Variants in FOXP4 observed in about 807,000 individuals in gnomAD.
FOXP4 encodes forkhead box protein P4.
In FOXP4, 25 loss-of-function variants were observed where a neutral mutation model predicts 82.6. The ratio of observed to expected loss-of-function variants is 0.30; its 90% CI spans 0.22 to 0.42. FOXP4 has a LOEUF of 0.42. Among genes scored for constraint, FOXP4 ranks in the 10% least tolerant of loss-of-function variants. The pLI is 1.00. For synonymous variants in FOXP4, 415 were observed against 388.2 expected, an observed-to-expected ratio of 1.07 and a Z score of -0.81; for missense variants, 785 against 900.9, an observed-to-expected ratio of 0.87 and a Z score of 1.65.
intron 1 of FOXP4, among the ~76,000 whole-genome samples, chr6:41,559,303 C>T (rs542152576): frequency 6.6e-6 from 1 of 152,200 alleles, no homozygotes; most frequent in South Asian, 2.1e-4. Flanking sequence ...AAGCCTGTGT[C>T]CTGCTCTGCT....
chr6:41,584,863 A>G lies in FOXP4; in HGVS notation c.395A>G (p.Gln132Arg). 1 of 1,611,304 alleles carries G rather than the reference A, an allele frequency of 6.2e-7. No individual in the cohort carries two copies. Among genetic ancestry groups the G allele is most frequent in the Non-Finnish European group, 8.5e-7 (1 of 1,179,066 alleles). Residue 132 changes from glutamine to arginine, a missense_variant, in exon 4 of 17, where the codon CAG becomes CGG. Physicochemically the swap from Gln to Arg is conservative, Grantham distance 43. Coordinates refer to ENST00000307972, the MANE Select transcript of FOXP4 (RefSeq NM_001012426.2). ...CCCCCGCAGCTGCAGGCCTTGCTCCAGCAGCAGCAAGCCCTCATGCTCCAG... is the reference window on the plus strand; with the variant it reads ...CCCCCGCAGCTGCAGGCCTTGCTCCGGCAGCAGCAAGCCCTCATGCTCCAG... ...LSPPQLQALL[Q>R]QQQALMLQQL...
chr6:41,589,788 G>GC lies in FOXP4; in HGVS notation c.1084dup (p.Arg362ProfsTer83). On this transcript the variant is annotated frameshift_variant, in exon 10 of 17. Transcript: ENST00000307972. LOFTEE classifies it high-confidence loss of function. Reference sequence around the variant, plus strand: ...CTCCACAGCTCGCCAAGGAGAGCGAGCGGCTGCAGGCCATGATGGCCCACC... The same window carrying GC: ...CTCCACAGCTCGCCAAGGAGAGCGAGCCGGCTGCAGGCCATGATGGCCCACC... 6.2e-7 allele frequency: 1 copy of GC among 1,611,100 alleles called. No homozygotes were observed. Among genetic ancestry groups the GC allele is most frequent in the Non-Finnish European group, 8.5e-7 (1 of 1,179,902 alleles).
intron 2 of FOXP4, among the ~76,000 whole-genome samples, chr6:41,570,984 C>G (rs1440738787): frequency 6.6e-6 from 1 of 152,174 alleles, no homozygotes; most frequent in Non-Finnish European, 1.5e-5. Context: ...CCCTACATTG[C>G]AGAGGTGGCT....
At chr6:41,560,934 C>G (rs1764540827) in intron 1 of FOXP4, among the ~76,000 whole-genome samples, 1 of 152,290 alleles carries the variant, frequency 6.6e-6, no homozygotes, top group African/African-American at 2.4e-5. Flanking sequence ...AGCACCCCAG[C>G]CCGTGGGTCC....
intron 3 of FOXP4, 117 bp from the exon 4 acceptor site, chr6:41,584,652 T>C: frequency 8.0e-7 from 1 of 1,245,740 alleles, no homozygotes. Context: ...AGAGCCAGAA[T>C]TGGAACCCAG....
At chr6:41,547,666 C>G (rs1415478128) in intron 1 of FOXP4, 1 of 152,312 alleles carries the variant, frequency 6.6e-6, no homozygotes, top group South Asian at 2.1e-4. Flanking sequence ...GCTGACACCT[C>G]TACTCACCCG....
intron 1 of FOXP4, among the ~76,000 whole-genome samples, chr6:41,551,531 A>G (rs1407074559): frequency 6.6e-6 from 1 of 152,174 alleles, no homozygotes; most frequent in African/African-American, 2.4e-5. Flanking sequence ...GCCAGGCCTG[A>G]TGGTGGGTGG....
At chr6:41,563,111 C>T (rs1764680212) in intron 1 of FOXP4, among the ~76,000 whole-genome samples, 1 of 152,200 alleles carries the variant, frequency 6.6e-6, no homozygotes, top group Non-Finnish European at 1.5e-5. Context: ...AGAGCAAGCC[C>T]TTGGGAACAT....
rs1764371085 is a variant in FOXP4, at chr6:41,558,009, A to G, written c.-16-7736A>G. On this transcript the variant is annotated intron_variant, in intron 1 of 16. Transcript: ENST00000307972. This position sits in a 1 kb window ranked among gnomAD's most constrained non-coding sequence, Gnocchi z 4.0. ...CAAGTGTTGTGCTAAGAAGCCTTGA[A>G]TGGTCCCTAGAGTTGGGGTAGGCAG... is the stretch of plus-strand genomic sequence containing the variant. Among the ~76,000 whole-genome samples, 1 of 152,138 alleles carries G rather than the reference A, an allele frequency of 6.6e-6. No homozygotes were observed. The highest frequency in any genetic ancestry group is 1.5e-5 in the Non-Finnish European group (1 of 68,034).
rs190594003 is a variant in FOXP4 at position 41,571,492 on chromosome 6, C to T, written c.204+5528C>T. On this transcript the variant is annotated intron_variant, in intron 2 of 16. Transcript: ENST00000307972. ...ATAGAGAGGAGGCATTTTCAAGGCACTTGGTAGGGAAGGCGTCCTGAAATC... is the reference window on the plus strand; with the variant it reads ...ATAGAGAGGAGGCATTTTCAAGGCATTTGGTAGGGAAGGCGTCCTGAAATC... Among the ~76,000 whole-genome samples the T allele has an allele frequency of 8.2e-4, 125 of 152,338 alleles. 1 individual carries two copies. The highest frequency in any genetic ancestry group is 1.2e-3 in the Admixed American group (18 of 15,306).
At chr6:41,597,056 C>T in intron 14 of FOXP4, 120 bp from the exon 15 acceptor site, 2 of 1,062,906 alleles carry the variant, frequency 1.9e-6, no homozygotes. Flanking sequence ...CCGCCCTGGC[C>T]TCCCGGAATA....
At chr6:41,586,754 C>T (rs1316770158) in intron 5 of FOXP4, among the ~76,000 whole-genome samples, 3 of 152,180 alleles carry the variant, frequency 2.0e-5, no homozygotes, top group Non-Finnish European at 2.9e-5. Context: ...GGGAGGGCGT[C>T]GTGCTGCGTG....
intron 1 of FOXP4, among the ~76,000 whole-genome samples, chr6:41,551,753 G>A (rs1201753751): frequency 2.6e-5 from 4 of 152,296 alleles, no homozygotes; most frequent in East Asian, 3.9e-4. Context: ...GCAGCAAAGG[G>A]GTGGCAAAAT....
At chr6:41,550,121 A>T (rs367638040) in intron 1 of FOXP4, among the ~76,000 whole-genome samples, 3 of 152,274 alleles carry the variant, frequency 2.0e-5, no homozygotes, top group South Asian at 2.1e-4. Flanking sequence ...TTGGTTCCAG[A>T]ACTCTGGAAC....
intron 3 of FOXP4, among the ~76,000 whole-genome samples, chr6:41,580,615 T>C (rs896754092): frequency 2.6e-5 from 4 of 152,206 alleles, no homozygotes; most frequent in African/African-American, 4.8e-5. Flanking sequence ...CTTCTGCCCC[T>C]ATTCCTAAGT....
Position 41,585,468 on chromosome 6 carries a change from A to C in FOXP4, c.461A>C (p.His154Pro), listed in dbSNP as rs1581766471. 1 of 1,613,824 alleles carries C rather than the reference A, an allele frequency of 6.2e-7. No individual in the cohort carries two copies. Among genetic ancestry groups the C allele is most frequent in the Non-Finnish European group, 8.5e-7 (1 of 1,179,884 alleles). Residue 154 changes from histidine to proline, a missense_variant, in exon 5 of 17, where the codon CAC becomes CCC. Coordinates refer to ENST00000307972, the MANE Select transcript of FOXP4 (RefSeq NM_001012426.2). ...EYYKKQQEQLHLQLLTQQQAG... is the reference protein window; with the variant it reads ...EYYKKQQEQLPLQLLTQQQAG... ...TACAAGAAGCAGCAGGAGCAGCTCC[A>C]CCTGCAGCTCCTCACCCAGCAGCAG...
chr6:41,577,321 G>A (rs183150320), intron 2 of FOXP4, among the ~76,000 whole-genome samples: 97 of 152,182 alleles, frequency 6.4e-4, no homozygotes, highest in African/African-American at 2.1e-3. Flanking sequence ...AAAGTCACAC[G>A]GTACTCAGAC....
intron 13 of FOXP4, among the ~76,000 whole-genome samples, chr6:41,592,208 C>G (rs1032759176): frequency 6.6e-6 from 1 of 152,176 alleles, no homozygotes; most frequent in South Asian, 2.1e-4. Flanking sequence ...GCTACCTCCC[C>G]CAATCCCACT....
intron 2 of FOXP4, among the ~76,000 whole-genome samples, chr6:41,575,209 C>A (rs1765409718): frequency 6.6e-6 from 1 of 152,160 alleles, no homozygotes; most frequent in Admixed American, 6.5e-5. Context: ...ACCTCATGAT[C>A]CGCCTGCCTT....
Sources: gnomAD v4.1 joint callset for allele counts (sites outside exome capture counted in the v4.1 genomes callset) on GRCh38, gnomAD v4.1.1 for gene constraint, Gnocchi (gnomAD v3.1) non-coding constraint, MANE v1.5 for transcripts, NCBI Gene and HGNC (gene_info 2026-07-23, HGNC 2026-07-21) for gene names.